LTBP1: variants seen among roughly 807,000 people sequenced by gnomAD.
LTBP1 encodes latent transforming growth factor beta binding protein 1, also known as latent-transforming growth factor beta-binding protein 1.
A neutral mutation model predicts 207.6 loss-of-function variants in LTBP1; 129 were observed. The observed-to-expected ratio is 0.62, with a 90% CI of 0.54 to 0.72. The LOEUF (loss-of-function observed/expected upper bound fraction) is 0.72. LTBP1 is among the 30% of genes least tolerant of loss of function. The probability of loss-of-function intolerance (pLI) is 0.00; values close to 1 mark genes in which losing one functional copy is unlikely to be tolerated. For missense variants in LTBP1, 2,281 were observed against 2,217.2 expected, an observed-to-expected ratio of 1.03 and a Z score of -0.58; for synonymous variants, 963 against 833.7, an observed-to-expected ratio of 1.16 and a Z score of -2.67.
At chr2:33,203,245 A>AG (rs2089517030) in intron 7 of LTBP1, among the ~76,000 whole-genome samples, 1 of 152,200 alleles carries the variant, frequency 6.6e-6, no homozygotes, top group Non-Finnish European at 1.5e-5. Context: ...ACTTTCGCGC[A>AG]GGGGCCCTCT....
At chr2:33,330,853 A>C (rs1276704523) in intron 24 of LTBP1, among the ~76,000 whole-genome samples, 1 of 150,720 alleles carries the variant, frequency 6.6e-6, no homozygotes, top group African/African-American at 2.4e-5. Flanking sequence ...TTCACCGGTA[A>C]AGTCATTTGT....
Position 33,399,111 on chromosome 2 carries a change from A to C in LTBP1, c.*566A>C, listed in dbSNP as rs2095384201. 1 of 152,664 alleles carries C rather than the reference A, an allele frequency of 6.6e-6. No individual in the cohort carries two copies. Among genetic ancestry groups the C allele is most frequent in the Non-Finnish European group, 1.5e-5 (1 of 68,048 alleles). The allele number at this position is 152,664 out of a possible 1,614,324, so 9.5% of individuals were successfully genotyped here. A position where few individuals can be genotyped will look rare whatever the true frequency, so the allele number is the denominator to read the frequency against. On this transcript the variant is annotated 3_prime_UTR_variant, in exon 34 of 34. Transcript: ENST00000404816. The stretch of plus-strand genomic sequence containing the variant: ...GTGGAGCAGGCAGTGATTTTGTTCC[A>C]AAACTTTGTATACACATTTGGAGAA...
intron 5 of LTBP1, among the ~76,000 whole-genome samples, chr2:33,139,768 G>A (rs2082492816): frequency 6.6e-6 from 1 of 152,194 alleles, no homozygotes; most frequent in Non-Finnish European, 1.5e-5. Context: ...TACCCCCCTA[G>A]AATTGGGCAT....
rs112767007 is a variant in LTBP1 at position 32,962,085 on chromosome 2, A to T, written c.565+13140A>T. Among the ~76,000 whole-genome samples the T allele has an allele frequency of 1.5e-3, 226 of 152,186 alleles. 4 individuals are homozygous for T. Among genetic ancestry groups the T allele is most frequent in the African/African-American group, 5.3e-3 (218 of 41,506 alleles). The stretch of plus-strand genomic sequence containing the variant: ...GTGCATTTCTTGTCTTGAAAAATGG[A>T]ATGCATAAAATGTACCCATTTTCAA... On this transcript the variant is annotated intron_variant, in intron 2 of 33. Transcript: ENST00000404816.
At chr2:33,245,164 G>A (rs1239452327) in intron 10 of LTBP1, among the ~76,000 whole-genome samples, 4 of 152,160 alleles carry the variant, frequency 2.6e-5, no homozygotes, top group African/African-American at 9.7e-5. Flanking sequence ...ATAGGTGTGA[G>A]CCACCATGCC....
At chr2:33,204,181 C>G (rs1696501717) in intron 7 of LTBP1, among the ~76,000 whole-genome samples, 1 of 152,188 alleles carries the variant, frequency 6.6e-6, no homozygotes, top group African/African-American at 2.4e-5. Flanking sequence ...CATGATAGTA[C>G]TGTTTTTTTC....
At chr2:33,357,685 A>G (rs112279917) in intron 26 of LTBP1, among the ~76,000 whole-genome samples, 5 of 152,166 alleles carry the variant, frequency 3.3e-5, no homozygotes, top group Non-Finnish European at 5.9e-5. Flanking sequence ...AATATGAAAA[A>G]CTTGATCTTT....
intron 21 of LTBP1, among the ~76,000 whole-genome samples, chr2:33,301,054 A>G (rs895204272): frequency 6.6e-6 from 1 of 152,222 alleles, no homozygotes; most frequent in Non-Finnish European, 1.5e-5. Context: ...CCTTAGAGAG[A>G]AAGTTTGCAA....
chr2:33,028,665 C>T (rs1256295451), intron 3 of LTBP1, among the ~76,000 whole-genome samples: 2 of 152,158 alleles, frequency 1.3e-5, no homozygotes, highest in Non-Finnish European at 2.9e-5. Flanking sequence ...ATTCAAGTAC[C>T]ATAAAGTCCC....
intron 22 of LTBP1, among the ~76,000 whole-genome samples, chr2:33,309,169 A>G (rs1018530259): frequency 6.6e-6 from 1 of 151,376 alleles, no homozygotes; most frequent in Non-Finnish European, 1.5e-5. Flanking sequence ...TATAATCCCA[A>G]CTACTCGGGA....
intron 5 of LTBP1, among the ~76,000 whole-genome samples, chr2:33,138,612 T>C (rs542602620): frequency 2.0e-5 from 3 of 152,182 alleles, no homozygotes; most frequent in Non-Finnish European, 2.9e-5. Context: ...GATTTTTAAA[T>C]TGTTTATAAA....
chr2:33,135,849 C>T (rs193124256), intron 5 of LTBP1, among the ~76,000 whole-genome samples: 7 of 152,288 alleles, frequency 4.6e-5, no homozygotes, highest in Admixed American at 4.6e-4. Context: ...TAATCGCAGA[C>T]ACCCACGTTA....
At chr2:32,973,267 T>C (rs1370408293) in intron 2 of LTBP1, among the ~76,000 whole-genome samples, 1 of 150,058 alleles carries the variant, frequency 6.7e-6, no homozygotes, top group Non-Finnish European at 1.5e-5. Context: ...TATTGTGTCA[T>C]TATCTAAGTC....
intron 30 of LTBP1, among the ~76,000 whole-genome samples, chr2:33,365,119 C>A (rs1443775431): frequency 6.6e-6 from 1 of 152,024 alleles, no homozygotes; most frequent in African/African-American, 2.4e-5. Flanking sequence ...GTGTCGGGAC[C>A]GGATGGGCAG....
chr2:33,135,611 A>C (rs1329735866), intron 5 of LTBP1, among the ~76,000 whole-genome samples: 1 of 152,220 alleles, frequency 6.6e-6, no homozygotes, highest in Non-Finnish European at 1.5e-5. Context: ...GATTACTCTC[A>C]GTACTCCTTT....
intron 7 of LTBP1, among the ~76,000 whole-genome samples, chr2:33,196,383 C>G (rs1377941158): frequency 3.9e-5 from 6 of 152,030 alleles, no homozygotes; most frequent in Non-Finnish European, 8.8e-5. Context: ...TAAAAGCTTT[C>G]ACTGTAATAC....
chr2:33,356,417 C>T (rs1212840901), intron 26 of LTBP1, among the ~76,000 whole-genome samples: 3 of 152,160 alleles, frequency 2.0e-5, no homozygotes, highest in Non-Finnish European at 4.4e-5. Flanking sequence ...AGGTGACTCA[C>T]GCCTGTAATC....
intron 31 of LTBP1, among the ~76,000 whole-genome samples, chr2:33,380,525 C>T (rs1014058271): frequency 5.3e-5 from 8 of 151,774 alleles, no homozygotes; most frequent in Admixed American, 2.0e-4. Context: ...GCTGAGATCA[C>T]GCCATTGAAC....
At chr2:33,092,650 T>C (rs950436972) in intron 3 of LTBP1, among the ~76,000 whole-genome samples, 4 of 149,040 alleles carry the variant, frequency 2.7e-5, no homozygotes, top group Non-Finnish European at 6.0e-5. Flanking sequence ...GTGGAATTTT[T>C]AGTCTTAGAG....
Sources: allele counts gnomAD v4.1 joint callset (sites outside exome capture counted in the v4.1 genomes callset), GRCh38; gene constraint gnomAD v4.1.1; transcripts MANE v1.5; gene names NCBI Gene and HGNC (gene_info 2026-07-23, HGNC 2026-07-21).